The following ITGA2 variants were observed in gnomAD, a reference collection of about 807,000 sequenced individuals.
ITGA2 encodes integrin subunit alpha 2.
A neutral mutation model predicts 146.3 loss-of-function variants in ITGA2; 101 were observed. That is an observed-to-expected ratio of 0.69 (90% CI 0.59 to 0.81). ITGA2 has a LOEUF of 0.81. ITGA2 is among the 40% of genes least tolerant of loss of function. The pLI, the probability that ITGA2 is intolerant of heterozygous loss-of-function variation, is 0.00. For missense variants in ITGA2, 1,281 were observed against 1,402.7 expected, an observed-to-expected ratio of 0.91 and a Z score of 1.39; for synonymous variants, 477 against 487.1, an observed-to-expected ratio of 0.98 and a Z score of 0.27.
At position 53,028,080 on chromosome 5, in the gene ITGA2, C is replaced by CAG. The variant is rs1554017656; in HGVS notation, c.185+1213_185+1214insGA. ...TGAGTGACTGAGTAAGATCCTGTCT[C>CAG]AAAAAAAAAAGAGGAAAAAACCGTA... On this transcript the variant is annotated intron_variant, in intron 2 of 29. Transcript: ENST00000296585. Among the ~76,000 whole-genome samples the CAG allele has an allele frequency of 4.4e-4, 64 of 146,342 alleles. 1 individual carries two copies. The highest frequency in any genetic ancestry group is 1.4e-4 in the Non-Finnish European group (9 of 66,384).
chr5:53,014,739 T>C (rs995999511), intron 1 of ITGA2, among the ~76,000 whole-genome samples: 2 of 152,176 alleles, frequency 1.3e-5, no homozygotes, highest in African/African-American at 4.8e-5. Flanking sequence ...GGGCTTTTTC[T>C]GGTTGGTAAG....
At chr5:53,069,038 A>G (rs930920831) in intron 16 of ITGA2, among the ~76,000 whole-genome samples, 9 of 151,928 alleles carry the variant, frequency 5.9e-5, no homozygotes, top group African/African-American at 2.2e-4. Flanking sequence ...TGGAGCAAGA[A>G]AAATTGTACA....
At chr5:53,061,726 C>A (rs771332957) in intron 12 of ITGA2, among the ~76,000 whole-genome samples, 7 of 151,852 alleles carry the variant, frequency 4.6e-5, no homozygotes, top group Non-Finnish European at 7.4e-5. Context: ...GACCCAGGGG[C>A]TTGACACACA....
At chr5:53,080,451 G>T (rs1367409240) in intron 24 of ITGA2, 60 bp from the exon 25 acceptor site, 1 of 1,352,398 alleles carries the variant, frequency 7.4e-7, no homozygotes, top group Non-Finnish European at 1.1e-6. Context: ...GGTTACTGGT[G>T]AATTTCCTTG....
At chr5:53,056,422 T>C (rs1744637435) in intron 9 of ITGA2, among the ~76,000 whole-genome samples, 2 of 151,994 alleles carry the variant, frequency 1.3e-5, no homozygotes, top group Non-Finnish European at 2.9e-5. Context: ...ACCGACAATA[T>C]GTTTTGCCTA....
intron 28 of ITGA2, among the ~76,000 whole-genome samples, chr5:53,088,865 G>A (rs1189130574): frequency 6.6e-6 from 1 of 152,036 alleles, no homozygotes; most frequent in East Asian, 1.9e-4. Context: ...ATGTTCCTAA[G>A]TATCTGTTAA....
chr5:53,067,866 G>A (rs1745215866), intron 16 of ITGA2, among the ~76,000 whole-genome samples: 2 of 151,840 alleles, frequency 1.3e-5, no homozygotes, highest in Admixed American at 1.3e-4. Flanking sequence ...TCTTGGGCTG[G>A]CCAAGTTGTC....
At chr5:52,996,783 T>C (rs1741280797) in intron 1 of ITGA2, among the ~76,000 whole-genome samples, 1 of 152,230 alleles carries the variant, frequency 6.6e-6, no homozygotes, top group Non-Finnish European at 1.5e-5. Flanking sequence ...CTTTTAGAAA[T>C]ATAGATTTAT....
At chr5:53,027,730 C>T (rs937889868) in intron 2 of ITGA2, among the ~76,000 whole-genome samples, 1 of 152,188 alleles carries the variant, frequency 6.6e-6, no homozygotes, top group African/African-American at 2.4e-5. Flanking sequence ...TCTGAATCTC[C>T]ACTCTCTAGA....
At chr5:53,002,046 T>C (rs938522883) in intron 1 of ITGA2, among the ~76,000 whole-genome samples, 1 of 152,054 alleles carries the variant, frequency 6.6e-6, no homozygotes, top group Non-Finnish European at 1.5e-5. Context: ...AGTCCCCTTT[T>C]AAAAAAATAT....
intron 4 of ITGA2, among the ~76,000 whole-genome samples, chr5:53,047,103 G>A (rs1182368485): frequency 6.6e-6 from 1 of 152,126 alleles, no homozygotes; most frequent in African/African-American, 2.4e-5. Context: ...AGAAAACTAT[G>A]CCTTGTTCAT....
Position 53,048,694 on chromosome 5 carries a change from T to G in ITGA2, c.554T>G (p.Ile185Ser). The G allele has an allele frequency of 1.2e-6, 2 of 1,614,106 alleles. No individual in the cohort carries two copies. Among genetic ancestry groups the G allele is most frequent in the Non-Finnish European group, 1.7e-6 (2 of 1,179,964 alleles). Residue 185 changes from isoleucine to serine, a missense_variant, in exon 6 of 30, where the codon ATT becomes AGT. By Grantham distance (142) the Ile-to-Ser change is moderately radical (BLOSUM62 -2). Coordinates refer to ENST00000296585, the MANE Select transcript of ITGA2 (RefSeq NM_002203.4). Reference sequence around the variant, plus strand: ...GTTGTGTGTGATGAATCAAATAGTATTTATCCTTGGGATGCAGTAAAGAAT... The same window carrying G: ...GTTGTGTGTGATGAATCAAATAGTAGTTATCCTTGGGATGCAGTAAAGAAT... Reference protein sequence around the residue: ...VVVVCDESNSIYPWDAVKNFL... With the variant: ...VVVVCDESNSSYPWDAVKNFL...
chr5:53,019,469 AGCC>A (rs1216286276), intron 1 of ITGA2, among the ~76,000 whole-genome samples: 1 of 152,080 alleles, frequency 6.6e-6, no homozygotes, highest in Non-Finnish European at 1.5e-5. Context: ...GTCATGTAGG[AGCC>A]ATCTTGGTTA....
chr5:53,026,263 A>T (rs1214097850), intron 1 of ITGA2, among the ~76,000 whole-genome samples: 1 of 152,212 alleles, frequency 6.6e-6, no homozygotes, highest in Non-Finnish European at 1.5e-5. Flanking sequence ...CCATGTCAAG[A>T]TGTTCAAGGT....
At chr5:52,994,841 T>C (rs532845487) in intron 1 of ITGA2, among the ~76,000 whole-genome samples, 14 of 152,316 alleles carry the variant, frequency 9.2e-5, no homozygotes, top group South Asian at 6.2e-4. Context: ...GTGGTACAGA[T>C]AACATGTTGA....
At position 53,072,716 on chromosome 5, in the gene ITGA2, T is replaced by C. The variant is rs3212584; in HGVS notation, c.2429+21T>C. The C allele has an allele frequency of 0.089, 138,738 of 1,552,530 alleles. 6,967 individuals are homozygous for C. Among genetic ancestry groups the C allele is most frequent in the African/African-American group, 0.19 (13,674 of 73,126 alleles). On this transcript the variant is annotated intron_variant, in intron 19 of 29. Coordinates refer to ENST00000296585, the MANE Select transcript of ITGA2 (RefSeq NM_002203.4). ...GCTCAGTAAGTTTTACTTTAAAGCT[T>C]GTTGTAAAATGTAGAAATAAAAGAC...
chr5:53,064,781 G>A, intron 13 of ITGA2, 131 bp from the exon 14 acceptor site: 1 of 826,694 alleles, frequency 1.2e-6, no homozygotes, highest in South Asian at 1.4e-5. Flanking sequence ...CTGGCTTCAA[G>A]TAGTCCTTCT....
chr5:53,011,529 C>T (rs1465900596), intron 1 of ITGA2, among the ~76,000 whole-genome samples: 1 of 152,180 alleles, frequency 6.6e-6, no homozygotes, highest in Non-Finnish European at 1.5e-5. Context: ...TCAGCTTCCT[C>T]CTTAGTGGCC....
At chr5:53,056,441 C>T (rs1430093022) in intron 9 of ITGA2, among the ~76,000 whole-genome samples, 1 of 151,730 alleles carries the variant, frequency 6.6e-6, no homozygotes, top group Non-Finnish European at 1.5e-5. Context: ...TAAAAGATGA[C>T]ACAGAATAAT....
Sources: gnomAD v4.1 joint callset for allele counts (sites outside exome capture counted in the v4.1 genomes callset) on GRCh38, gnomAD v4.1.1 for gene constraint, MANE v1.5 for transcripts, NCBI Gene and HGNC (gene_info 2026-07-23, HGNC 2026-07-21) for gene names.